The following ANK3 variants were observed in gnomAD, a reference collection of about 807,000 sequenced individuals.
The protein encoded by ANK3 is ankyrin 3.
ANK3 carries 57 observed loss-of-function variants against 370.9 expected under a neutral mutation model. The observed-to-expected ratio is 0.15, with a 90% confidence interval of 0.12 to 0.19. The LOEUF (loss-of-function observed/expected upper bound fraction) is 0.19. Ranked by LOEUF, ANK3 falls within the 10% of genes least tolerant of loss-of-function variation. The probability of loss-of-function intolerance (pLI) is 1.00; values close to 1 mark genes in which losing one functional copy is unlikely to be tolerated. For missense variants in ANK3, 4,439 were observed against 5,302.1 expected (o/e 0.84, Z 5.06); for synonymous variants, 1,929 against 1,946.3 (o/e 0.99, Z 0.23).
chr10:60,096,349 A>C (rs1425212235), intron 28 of ANK3, among the ~76,000 whole-genome samples: 1 of 152,204 alleles, frequency 6.6e-6, no homozygotes, highest in Non-Finnish European at 1.5e-5. Flanking sequence ...TAGGTCAAAG[A>C]AGCAGCAATA....
rs986759432 is a variant in ANK3 at position 60,578,760 on chromosome 10, A to C, written c.96+36426T>G. Among the ~76,000 whole-genome samples, 5 of 152,150 alleles carry C rather than the reference A, an allele frequency of 3.3e-5. No individual in the cohort carries two copies. In the East Asian group the frequency reaches 9.6e-4, roughly 29 times the overall value. On this transcript the variant is annotated intron_variant, in intron 2 of 43. Coordinates refer to the ANK3 transcript ENST00000373827. ...GCTTTCCAACTCTCCATATTCCAACAACATAGAACTATCAAGACCCTTATT... is the reference window on the plus strand; with the variant it reads ...GCTTTCCAACTCTCCATATTCCAACCACATAGAACTATCAAGACCCTTATT...
chr10:60,064,508 T>C (rs1249827112), intron 38 of ANK3, among the ~76,000 whole-genome samples: 1 of 152,052 alleles, frequency 6.6e-6, no homozygotes, highest in African/African-American at 2.4e-5. Context: ...ACAATCAGAT[T>C]TTTTTTAGAG....
At chr10:60,082,380 TA>T in intron 34 of ANK3, 1 of 683,398 alleles carries the variant, frequency 1.5e-6, no homozygotes, top group Non-Finnish European at 2.4e-6. Context: ...TTTAAAAGCA[TA>T]AAAATCTATG....
chr10:60,311,425 A>T (rs180728935), intron 1 of ANK3, among the ~76,000 whole-genome samples: 1 of 150,816 alleles, frequency 6.6e-6, no homozygotes, highest in African/African-American at 2.4e-5. Flanking sequence ...AGTTCCTCAC[A>T]TTCAGTCAAT....
chr10:60,484,882 T>C (rs1375371910), intron 2 of ANK3, among the ~76,000 whole-genome samples: 1 of 152,142 alleles, frequency 6.6e-6, no homozygotes, highest in Admixed American at 6.6e-5. Context: ...AGTAAAATAA[T>C]GAATTTCAAA....
chr10:60,189,458 T>C (rs950238688), intron 16 of ANK3, among the ~76,000 whole-genome samples: 1 of 152,218 alleles, frequency 6.6e-6, no homozygotes, highest in Non-Finnish European at 1.5e-5. Context: ...CAAGGATTTA[T>C]CTTGAGCTCC....
intron 7 of ANK3, among the ~76,000 whole-genome samples, chr10:60,257,334 A>G (rs2097754518): frequency 6.6e-6 from 1 of 152,166 alleles, no homozygotes; most frequent in South Asian, 2.1e-4. Context: ...TGTGCCATAC[A>G]TGCCAAGTTC....
At chr10:60,108,305 G>A (rs2092398310) in intron 27 of ANK3, 3 of 356,718 alleles carry the variant, frequency 8.4e-6, no homozygotes, top group Non-Finnish European at 1.7e-5. Context: ...CATCCATGCA[G>A]CAGAAAGAGA....
intron 9 of ANK3, among the ~76,000 whole-genome samples, chr10:60,211,458 T>C (rs2096853064): frequency 6.6e-6 from 1 of 152,166 alleles, no homozygotes; most frequent in Non-Finnish European, 1.5e-5. Context: ...TTGAGAAAGC[T>C]ACTTTACCTC....
chr10:60,682,407 T>A (rs889522817), intron 1 of ANK3, among the ~76,000 whole-genome samples: 3 of 151,802 alleles, frequency 2.0e-5, no homozygotes, highest in Admixed American at 6.6e-5. Context: ...ATTTTTTTTT[T>A]TTTACATCAG....
intron 1 of ANK3, among the ~76,000 whole-genome samples, chr10:60,319,757 CA>C (rs896840534): frequency 3.3e-5 from 5 of 152,046 alleles, no homozygotes; most frequent in African/African-American, 1.2e-4. Context: ...AAAAATCTAA[CA>C]AAATGTAAAA....
intron 25 of ANK3, among the ~76,000 whole-genome samples, chr10:60,115,741 A>C (rs2093035896): frequency 6.6e-6 from 1 of 152,166 alleles, no homozygotes; most frequent in Non-Finnish European, 1.5e-5. Context: ...AAAATATACA[A>C]AATGAAGGAT....
chr10:60,670,802 G>T (rs1387591114), intron 1 of ANK3, among the ~76,000 whole-genome samples: 1 of 152,200 alleles, frequency 6.6e-6, no homozygotes, highest in Non-Finnish European at 1.5e-5. Flanking sequence ...CTAAGGTCTG[G>T]CCAATTGACT....
chr10:60,150,382 C>A (rs550659586), intron 23 of ANK3, among the ~76,000 whole-genome samples: 3 of 152,130 alleles, frequency 2.0e-5, no homozygotes, highest in Admixed American at 2.0e-4. Context: ...GTGTCCAAAT[C>A]CTATCTATTC....
chr10:60,405,285 T>C (rs980443926), intron 2 of ANK3, among the ~76,000 whole-genome samples: 25 of 152,276 alleles, frequency 1.6e-4, no homozygotes, highest in African/African-American at 4.8e-4. Flanking sequence ...AATTAACAAG[T>C]GAATGGATAA....
In ANK3 at chr10:60,468,997, GTA is replaced by G. The variant is rs71015794; in HGVS notation, c.96+146187_96+146188del. ...ACTATATATATACCACTTTTAGTGT[GTA>G]TATATATATATATATATATACCACT... On this transcript the variant is annotated intron_variant, in intron 2 of 43. Coordinates refer to the ANK3 transcript ENST00000373827. Among the ~76,000 whole-genome samples the G allele has an allele frequency of 4.4e-3, 103 of 23,250 alleles. 6 individuals are homozygous for G. Among genetic ancestry groups the G allele is most frequent in the African/African-American group, 0.012 (73 of 5,872 alleles). 15.3% of individuals were successfully genotyped at this position (23,250 alleles called of 152,430 possible). A position where few individuals can be genotyped will look rare whatever the true frequency, so the allele number is the denominator to read the frequency against.
intron 24 of ANK3, among the ~76,000 whole-genome samples, chr10:60,135,009 CTG>C (rs1360178491): frequency 3.9e-5 from 6 of 152,234 alleles, no homozygotes; most frequent in African/African-American, 1.4e-4. Flanking sequence ...GCTCCTCCAA[CTG>C]TTCTTTCCAG....
chr10:60,157,718 GAATT>G (rs925329661), intron 23 of ANK3, among the ~76,000 whole-genome samples: 5 of 151,804 alleles, frequency 3.3e-5, no homozygotes, highest in African/African-American at 9.7e-5. Context: ...GCAGAAGAAA[GAATT>G]AATGAGCTTG....
chr10:60,069,045 G>A lies in ANK3; in HGVS notation c.11836C>T (p.Leu3946Phe), dbSNP rs2082188082. Residue 3946 changes from leucine (L) to phenylalanine (F), a missense_variant, in exon 37 of 44, where the codon CTT becomes TTT. Around this residue, in one of 13 missense-constraint regions of ANK3, gnomAD observed 496 missense variants for 529.3 expected, o/e 0.94. Coordinates refer to ENST00000280772, the MANE Select transcript of ANK3 (RefSeq NM_020987.5). ...ACCTTTACTGGCAACTTGGATGGAAGCTGTTTGGCCTTGCCTTTCTCTGGC... is the reference window on the plus strand; with the variant it reads ...ACCTTTACTGGCAACTTGGATGGAAACTGTTTGGCCTTGCCTTTCTCTGGC... ...GQPEKGKAKQ[L>F]PSKLPVKVRS... 1 of 1,614,086 alleles carries A rather than the reference G, an allele frequency of 6.2e-7. No individual in the cohort carries two copies. Among genetic ancestry groups the A allele is most frequent in the African/African-American group, 1.3e-5 (1 of 75,014 alleles).
Sources: allele counts gnomAD v4.1 joint callset (sites outside exome capture counted in the v4.1 genomes callset), GRCh38; gene constraint gnomAD v4.1.1; regional missense constraint gnomAD v4.1.1; transcripts MANE v1.5; gene names NCBI Gene and HGNC (gene_info 2026-07-23, HGNC 2026-07-21).